The following SRGAP2C variants were observed in gnomAD, a reference collection of about 807,000 sequenced individuals.
SRGAP2C encodes the protein SLIT-ROBO Rho GTPase activating protein 2C, also known as SLIT-ROBO Rho GTPase-activating protein 2C.
A neutral mutation model predicts 25.1 loss-of-function variants in SRGAP2C; 15 were observed. That is an observed-to-expected ratio of 0.60 (90% CI 0.40 to 0.92). SRGAP2C has a LOEUF of 0.92. Ranked by LOEUF, SRGAP2C falls within the 40% of genes least tolerant of loss-of-function variation. SRGAP2C has a pLI of 0.00. For missense variants in SRGAP2C, 144 were observed against 264.4 expected (o/e 0.54, Z 3.16); for synonymous variants, 44 against 96.6 (o/e 0.46, Z 3.19).
chr1:121,312,278 T>C (rs1657981613), intron 3 of SRGAP2C, among the ~76,000 whole-genome samples: 1 of 48,566 alleles, frequency 2.1e-5, no homozygotes, highest in South Asian at 6.1e-4. Context: ...ATATCCCCTT[T>C]ATCATTTTTT....
At chr1:121,284,069 A>G (rs1314244734) in intron 2 of SRGAP2C, among the ~76,000 whole-genome samples, 25 of 152,080 alleles carry the variant, frequency 1.6e-4, no homozygotes, top group African/African-American at 5.5e-4. Context: ...TTTGTTAGTG[A>G]AAAAAACTCT....
intron 2 of SRGAP2C, among the ~76,000 whole-genome samples, chr1:121,223,347 G>T (rs1655581208): frequency 1.0e-5 from 1 of 96,938 alleles, no homozygotes; most frequent in Non-Finnish European, 2.0e-5. Flanking sequence ...ATGCTGGGAG[G>T]AGTTTGTGTG....
At chr1:121,345,649 C>T (rs499258) in intron 4 of SRGAP2C, among the ~76,000 whole-genome samples, 9 of 95,774 alleles carry the variant, frequency 9.4e-5, no homozygotes, top group South Asian at 7.3e-4. Flanking sequence ...GGTTGCTCTT[C>T]TTTTTTTTTT....
At chr1:121,309,266 T>A (rs1380402359) in intron 3 of SRGAP2C, among the ~76,000 whole-genome samples, 1 of 115,782 alleles carries the variant, frequency 8.6e-6, no homozygotes, top group African/African-American at 3.1e-5. Flanking sequence ...TCCCTGCTTA[T>A]CCCATTTATT....
intron 3 of SRGAP2C, among the ~76,000 whole-genome samples, chr1:121,321,656 C>G (rs1553341137): frequency 1.3e-5 from 2 of 149,756 alleles, no homozygotes; most frequent in East Asian, 2.0e-4. Flanking sequence ...ATCCACCTGC[C>G]TTGGCCTCCC....
At chr1:121,201,745 G>A (rs1475706022) in intron 2 of SRGAP2C, among the ~76,000 whole-genome samples, 2 of 152,238 alleles carry the variant, frequency 1.3e-5, no homozygotes, top group South Asian at 2.1e-4. Context: ...TTTGGCCTGT[G>A]GAGATTGAAG....
chr1:121,308,939 CA>C (rs1282103321), intron 3 of SRGAP2C, among the ~76,000 whole-genome samples: 22,812 of 30,068 alleles, frequency 0.76, 8,599 homozygotes, highest in East Asian at 0.94. Context: ...AACTCTGTCT[CA>C]AAAAAAAAAA....
At chr1:121,238,768 T>A (rs1656020200) in intron 2 of SRGAP2C, among the ~76,000 whole-genome samples, 1 of 147,366 alleles carries the variant, frequency 6.8e-6, no homozygotes, top group Admixed American at 6.7e-5. Flanking sequence ...TGTGCACCAC[T>A]ACACACTGCT....
chr1:121,257,276 C>A (rs1281245819), intron 2 of SRGAP2C, among the ~76,000 whole-genome samples: 2 of 147,410 alleles, frequency 1.4e-5, no homozygotes, highest in South Asian at 2.2e-4. Context: ...TCGCCATGCC[C>A]AGCTAATTTT....
At chr1:121,192,262 C>T (rs1399967899) in intron 2 of SRGAP2C, among the ~76,000 whole-genome samples, 17 of 151,398 alleles carry the variant, frequency 1.1e-4, no homozygotes, top group Non-Finnish European at 2.9e-5. Flanking sequence ...TAAATATAAT[C>T]AGTTAAATAT....
intron 4 of SRGAP2C, among the ~76,000 whole-genome samples, chr1:121,356,909 A>G (rs1659076628): frequency 6.6e-6 from 1 of 151,896 alleles, no homozygotes; most frequent in Admixed American, 6.6e-5. Flanking sequence ...CCATGGAAGA[A>G]CATTCAGATT....
At chr1:121,316,887 G>T (rs1658111392) in intron 3 of SRGAP2C, among the ~76,000 whole-genome samples, 1 of 150,464 alleles carries the variant, frequency 6.6e-6, no homozygotes, top group African/African-American at 2.4e-5. Context: ...TACCAAGAGG[G>T]TTTAAAAGCC....
At chr1:121,275,220 T>C (rs1264047000) in intron 2 of SRGAP2C, among the ~76,000 whole-genome samples, 1 of 104,926 alleles carries the variant, frequency 9.5e-6, no homozygotes, top group East Asian at 2.9e-4. Context: ...TAAGAGACTG[T>C]CTTACATTTT....
At chr1:121,275,600 T>C (rs1553336033) in intron 2 of SRGAP2C, among the ~76,000 whole-genome samples, 1 of 146,762 alleles carries the variant, frequency 6.8e-6, no homozygotes, top group African/African-American at 2.5e-5. Flanking sequence ...TGCTTTTGAG[T>C]CACTTGAAAG....
intron 2 of SRGAP2C, among the ~76,000 whole-genome samples, chr1:121,208,508 TG>T (rs1655172268): frequency 6.6e-6 from 1 of 152,122 alleles, no homozygotes. Flanking sequence ...TGAATACGGA[TG>T]GGTAAATGAT....
intron 5 of SRGAP2C, among the ~76,000 whole-genome samples, chr1:121,366,255 A>AT (rs1553349505): frequency 6.8e-6 from 1 of 147,672 alleles, no homozygotes; most frequent in East Asian, 2.0e-4. Flanking sequence ...TTACTTGCTT[A>AT]TTTGCTGCGT....
chr1:121,204,484 T>A (rs1252655575), intron 2 of SRGAP2C, among the ~76,000 whole-genome samples: 14 of 150,908 alleles, frequency 9.3e-5, no homozygotes, highest in African/African-American at 2.4e-4. Flanking sequence ...GGTCTTGAAC[T>A]CCTGACCTCA....
intron 4 of SRGAP2C, among the ~76,000 whole-genome samples, chr1:121,339,159 T>C (rs1476298815): frequency 6.6e-6 from 1 of 151,748 alleles, no homozygotes; most frequent in Admixed American, 6.6e-5. Context: ...TGCATCTTCT[T>C]TTAAATGTTG....
chr1:121,328,868 C>CAGAGCCA (rs1208674792), intron 4 of SRGAP2C, among the ~76,000 whole-genome samples: 1 of 136,102 alleles, frequency 7.3e-6, no homozygotes, highest in Non-Finnish European at 1.5e-5. Flanking sequence ...GCTTGAGTAA[C>CAGAGCCA]AGAGCCAGAC....
Sources: gnomAD v4.1 joint callset for allele counts (sites outside exome capture counted in the v4.1 genomes callset) on GRCh38, gnomAD v4.1.1 for gene constraint, MANE v1.5 for transcripts, NCBI Gene and HGNC (gene_info 2026-07-23, HGNC 2026-07-21) for gene names.